The following TENM2 variants were observed in gnomAD, a reference collection of about 807,000 sequenced individuals.
TENM2 encodes teneurin-2.
Under a neutral mutation model 245.2 loss-of-function variants are expected in TENM2, and 52 were observed. The observed-to-expected ratio is 0.21, with a 90% CI of 0.17 to 0.27. The LOEUF is 0.27. Among genes scored for constraint, TENM2 ranks in the 10% least tolerant of loss-of-function variants. The pLI is 1.00. For synonymous variants in TENM2, 1,363 were observed against 1,438.9 expected, an observed-to-expected ratio of 0.95 and a Z score of 1.19; for missense variants, 3,046 against 3,666.8, an observed-to-expected ratio of 0.83 and a Z score of 4.37.
chr5:167,157,011 G>A, the TENM2 span, among the ~76,000 whole-genome samples: 4 of 152,064 alleles, frequency 2.6e-5, no homozygotes, highest in African/African-American at 9.7e-5. Flanking sequence ...TATGAACCAA[G>A]CATTCGCATT....
intron 12 of TENM2, among the ~76,000 whole-genome samples, chr5:168,148,774 C>T (rs62383433): frequency 0.13 from 19,837 of 151,912 alleles, 1,596 homozygotes; most frequent in South Asian, 0.22. Context: ...TCTATGAGGT[C>T]GTTTGACACT....
In TENM2 at chr5:167,773,240, G is replaced by A. The variant is rs536894669; in HGVS notation, c.503-102746G>A. Reference sequence around the variant, plus strand: ...GCACAAATTGATGTTCTGCCTACTTGGAGAATGTTTTAAAGATATCAAGAC... The same window carrying A: ...GCACAAATTGATGTTCTGCCTACTTAGAGAATGTTTTAAAGATATCAAGAC... On this transcript the variant is annotated intron_variant, in intron 2 of 28. Transcript: ENST00000518659. 7.9e-5 allele frequency among the ~76,000 whole-genome samples: 12 copies of A among 152,246 alleles called. No individual in the cohort carries two copies. In the East Asian group the frequency reaches 1.9e-3, roughly 24 times the overall value.
At chr5:167,498,747 A>T (rs1768980186) in intron 2 of TENM2, among the ~76,000 whole-genome samples, 1 of 151,948 alleles carries the variant, frequency 6.6e-6, no homozygotes, top group African/African-American at 2.4e-5. Context: ...AAAAAAAAAT[A>T]CACTTTTCAT....
intron 1 of TENM2, among the ~76,000 whole-genome samples, chr5:167,326,815 T>C (rs1279162999): frequency 6.6e-6 from 1 of 151,198 alleles, no homozygotes; most frequent in East Asian, 1.9e-4. Flanking sequence ...GCAAGAAGCA[T>C]GTATAATTAC....
intron 5 of TENM2, among the ~76,000 whole-genome samples, chr5:168,006,075 G>C (rs1485973932): frequency 6.6e-6 from 1 of 152,198 alleles, no homozygotes; most frequent in Non-Finnish European, 1.5e-5. Context: ...CAAGCTTCAT[G>C]GGCAGTTAGG....
chr5:167,018,984 G>T, the TENM2 span, among the ~76,000 whole-genome samples: 3 of 152,266 alleles, frequency 2.0e-5, no homozygotes, highest in East Asian at 5.8e-4. Context: ...TGGAAATGAA[G>T]GGTTTAAAAA....
At chr5:167,884,463 G>T (rs977748903) in intron 3 of TENM2, among the ~76,000 whole-genome samples, 2 of 152,092 alleles carry the variant, frequency 1.3e-5, no homozygotes, top group Admixed American at 6.6e-5. Flanking sequence ...ATGAATTTGT[G>T]TCTAGGTACC....
intron 25 of TENM2, among the ~76,000 whole-genome samples, chr5:168,233,715 T>C (rs977618971): frequency 1.3e-5 from 2 of 152,136 alleles, no homozygotes; most frequent in African/African-American, 4.8e-5. Flanking sequence ...GATAAAGACA[T>C]ACCCAAGACT....
At chr5:167,941,534 A>G (rs572693141) in intron 3 of TENM2, among the ~76,000 whole-genome samples, 2 of 152,240 alleles carry the variant, frequency 1.3e-5, no homozygotes, top group African/African-American at 4.8e-5. Context: ...GGCAACAGAA[A>G]GTTTTTCAAG....
At chr5:167,313,777 G>T (rs1208411873) in intron 1 of TENM2, among the ~76,000 whole-genome samples, 1 of 152,110 alleles carries the variant, frequency 6.6e-6, no homozygotes, top group East Asian at 1.9e-4. Flanking sequence ...TGACTTGGTA[G>T]ATCCTTGAAT....
At chr5:168,095,985 C>T (rs561871769) in intron 8 of TENM2, among the ~76,000 whole-genome samples, 2 of 152,282 alleles carry the variant, frequency 1.3e-5, no homozygotes, top group East Asian at 1.9e-4. Flanking sequence ...ATGGGTTGCA[C>T]TGCAGGAGAA....
the TENM2 span, among the ~76,000 whole-genome samples, chr5:167,015,222 T>TA: frequency 1.3e-5 from 2 of 152,188 alleles, no homozygotes; most frequent in African/African-American, 4.8e-5. Flanking sequence ...GTTCAGTGGT[T>TA]AAAAAAACAG....
At chr5:167,528,066 A>T (rs983195513) in intron 2 of TENM2, among the ~76,000 whole-genome samples, 1 of 152,196 alleles carries the variant, frequency 6.6e-6, no homozygotes, top group Non-Finnish European at 1.5e-5. Context: ...GTATAAAGTC[A>T]GTCTTCTGAC....
chr5:167,914,044 T>A (rs1776743815), intron 3 of TENM2, among the ~76,000 whole-genome samples: 2 of 152,174 alleles, frequency 1.3e-5, no homozygotes, highest in South Asian at 4.1e-4. Context: ...GAAGGGAAAA[T>A]CACCTGTGTG....
At chr5:168,049,885 C>A (rs1788926224) in intron 6 of TENM2, among the ~76,000 whole-genome samples, 1 of 152,160 alleles carries the variant, frequency 6.6e-6, no homozygotes, top group South Asian at 2.1e-4. Flanking sequence ...TCACTGCAAC[C>A]TCCACCTCCC....
intron 2 of TENM2, among the ~76,000 whole-genome samples, chr5:167,604,143 A>G (rs932759389): frequency 3.3e-5 from 5 of 152,316 alleles, no homozygotes; most frequent in African/African-American, 4.8e-5. Context: ...AGAAAAAAAT[A>G]AAAATACGAA....
At chr5:168,175,312 A>C (rs1158800033) in intron 13 of TENM2, among the ~76,000 whole-genome samples, 3 of 152,190 alleles carry the variant, frequency 2.0e-5, no homozygotes, top group Non-Finnish European at 4.4e-5. Context: ...TTCCAATCAA[A>C]AACTCATCAT....
chr5:167,005,089 T>C, the TENM2 span, among the ~76,000 whole-genome samples: 10 of 152,120 alleles, frequency 6.6e-5, no homozygotes, highest in South Asian at 1.0e-3. Flanking sequence ...AAAGGACTTT[T>C]CCCCCCCATT....
the TENM2 span, among the ~76,000 whole-genome samples, chr5:167,008,856 C>G: frequency 6.6e-6 from 1 of 152,126 alleles, no homozygotes; most frequent in South Asian, 2.1e-4. Context: ...GTGTGCACAA[C>G]TTGAGTGAAT....
Sources: allele counts gnomAD v4.1 joint callset (sites outside exome capture counted in the v4.1 genomes callset), GRCh38; gene constraint gnomAD v4.1.1; transcripts MANE v1.5; gene names NCBI Gene and HGNC (gene_info 2026-07-23, HGNC 2026-07-21).